The following PRKCA variants were observed in gnomAD, a reference collection of about 807,000 sequenced individuals.
The protein encoded by PRKCA is protein kinase C alpha.
Under a neutral mutation model 87.0 loss-of-function variants are expected in PRKCA, and 27 were observed. The observed-to-expected ratio is 0.31, with a 90% CI of 0.23 to 0.43. The LOEUF (loss-of-function observed/expected upper bound fraction) is 0.43, where lower values mean the gene tolerates loss of function less well. PRKCA is among the 20% of genes least tolerant of loss of function. The pLI, the probability that PRKCA is intolerant of heterozygous loss-of-function variation, is 1.00. For missense variants in PRKCA, 518 were observed against 852.3 expected (o/e 0.61, Z 4.88); for synonymous variants, 329 against 311.1 (o/e 1.06, Z -0.61).
intron 2 of PRKCA, among the ~76,000 whole-genome samples, chr17:66,346,938 G>A (rs1165524406): frequency 6.6e-6 from 1 of 151,896 alleles, no homozygotes; most frequent in East Asian, 1.9e-4. Flanking sequence ...GGCTGAGGCA[G>A]GAGAATCACT....
rs565138411 is a variant in PRKCA at position 66,367,022 on chromosome 17, C to T, written c.205+60895C>T. On this transcript the variant is annotated intron_variant, in intron 2 of 16. Transcript: ENST00000413366. ...TCTTTTCAGGTTTTCAGGTTGCCCT[C>T]TTCCCCTCTCCTTTCTGTTTTCAGA... 3.3e-5 allele frequency among the ~76,000 whole-genome samples: 5 copies of T among 152,310 alleles called. No individual in the cohort carries two copies. In the East Asian group the frequency reaches 9.6e-4, roughly 29 times the overall value.
At chr17:66,684,543 A>G (rs961890381) in intron 5 of PRKCA, among the ~76,000 whole-genome samples, 5 of 152,254 alleles carry the variant, frequency 3.3e-5, no homozygotes, top group African/African-American at 1.2e-4. Context: ...ATTTGCTTCA[A>G]TGACATTTAG....
At chr17:66,486,305 G>A (rs1598712365) in intron 2 of PRKCA, among the ~76,000 whole-genome samples, 3 of 152,140 alleles carry the variant, frequency 2.0e-5, no homozygotes, top group Non-Finnish European at 4.4e-5. Context: ...CTATTTCATT[G>A]TAGTTCTGAG....
intron 2 of PRKCA, among the ~76,000 whole-genome samples, chr17:66,468,589 A>G (rs1329830731): frequency 6.6e-6 from 1 of 151,668 alleles, no homozygotes; most frequent in African/African-American, 2.4e-5. Flanking sequence ...GCTTTTCAAT[A>G]GGAAGCTGAC....
chr17:66,316,425 C>G (rs1290756680), intron 2 of PRKCA, among the ~76,000 whole-genome samples: 2 of 152,124 alleles, frequency 1.3e-5, no homozygotes, highest in Non-Finnish European at 2.9e-5. Context: ...TTAAAATAAG[C>G]TTGTTCAACC....
chr17:66,305,505 A>G (rs1435170825), intron 1 of PRKCA, among the ~76,000 whole-genome samples: 2 of 152,244 alleles, frequency 1.3e-5, no homozygotes, highest in Non-Finnish European at 2.9e-5. Context: ...ATGTGCTTTG[A>G]ATGCTATTGG....
At chr17:66,457,966 C>G (rs887644140) in intron 2 of PRKCA, among the ~76,000 whole-genome samples, 1 of 152,076 alleles carries the variant, frequency 6.6e-6, no homozygotes, top group African/African-American at 2.4e-5. Context: ...AAAAATGAAG[C>G]CTGATATCCT....
At chr17:66,454,777 A>G (rs2143937786) in intron 2 of PRKCA, among the ~76,000 whole-genome samples, 1 of 152,372 alleles carries the variant, frequency 6.6e-6, no homozygotes, top group Non-Finnish European at 1.5e-5. Context: ...TACGGGAGGT[A>G]CAATTCGAGA....
intron 2 of PRKCA, among the ~76,000 whole-genome samples, chr17:66,442,285 G>A (rs946919980): frequency 8.6e-5 from 13 of 150,778 alleles, no homozygotes; most frequent in Admixed American, 3.3e-4. Flanking sequence ...TTGAACTCCT[G>A]ACCTCAAGTG....
chr17:66,454,356 G>A (rs79047536), intron 2 of PRKCA, among the ~76,000 whole-genome samples: 3,913 of 152,292 alleles, frequency 0.026, 77 homozygotes, highest in Middle Eastern at 0.041. Context: ...CCAGGTAACA[G>A]CAAAGACCAT....
chr17:66,529,922 C>T (rs963859679), intron 3 of PRKCA, among the ~76,000 whole-genome samples: 4 of 152,186 alleles, frequency 2.6e-5, no homozygotes, highest in Non-Finnish European at 5.9e-5. Context: ...GATACTTTTC[C>T]TTCCTCCTCC....
intron 8 of PRKCA, among the ~76,000 whole-genome samples, chr17:66,697,914 G>A (rs954765898): frequency 2.6e-5 from 4 of 152,040 alleles, no homozygotes; most frequent in Non-Finnish European, 5.9e-5. Flanking sequence ...AGTATTTCAG[G>A]ACACCATCCT....
At chr17:66,372,276 T>C (rs1909158815) in intron 2 of PRKCA, among the ~76,000 whole-genome samples, 1 of 152,176 alleles carries the variant, frequency 6.6e-6, no homozygotes, top group Non-Finnish European at 1.5e-5. Flanking sequence ...TATAGTTCCT[T>C]GACAATGGCA....
chr17:66,558,480 A>T (rs1018882327), intron 3 of PRKCA, among the ~76,000 whole-genome samples: 4 of 151,910 alleles, frequency 2.6e-5, no homozygotes, highest in Admixed American at 2.0e-4. Context: ...GGGAGAAAGG[A>T]GCTTGGCCGA....
chr17:66,368,386 A>ATTTTTTT (rs1180540465), intron 2 of PRKCA, among the ~76,000 whole-genome samples: 2 of 25,470 alleles, frequency 7.9e-5, no homozygotes, highest in African/African-American at 2.4e-4. Context: ...ATATATATAT[A>ATTTTTTT]TTTTTTTTTT....
chr17:66,681,612 G>A (rs1972496473), intron 5 of PRKCA, among the ~76,000 whole-genome samples: 3 of 152,098 alleles, frequency 2.0e-5, no homozygotes, highest in Admixed American at 6.5e-5. Flanking sequence ...CTATGGGTTC[G>A]GCACTGTTAT....
At chr17:66,419,906 C>T (rs1912387195) in intron 2 of PRKCA, among the ~76,000 whole-genome samples, 1 of 151,964 alleles carries the variant, frequency 6.6e-6, no homozygotes, top group Non-Finnish European at 1.5e-5. Context: ...ATCTTGTGCC[C>T]AGCACTTACT....
At chr17:66,465,164 A>G (rs2143986382) in intron 2 of PRKCA, among the ~76,000 whole-genome samples, 1 of 152,282 alleles carries the variant, frequency 6.6e-6, no homozygotes. Flanking sequence ...AATAACCACA[A>G]CTTAACATTT....
chr17:66,709,912 A>G (rs1973281636), intron 8 of PRKCA, among the ~76,000 whole-genome samples: 1 of 152,142 alleles, frequency 6.6e-6, no homozygotes, highest in African/African-American at 2.4e-5. Context: ...TGGTTTCATC[A>G]TCATTTATTG....
Sources: gnomAD v4.1 joint callset for allele counts (sites outside exome capture counted in the v4.1 genomes callset) on GRCh38, gnomAD v4.1.1 for gene constraint, MANE v1.5 for transcripts, NCBI Gene and HGNC (gene_info 2026-07-23, HGNC 2026-07-21) for gene names.